Variants in TRPC1 observed in about 807,000 individuals in gnomAD.
The protein encoded by TRPC1 is transient receptor potential cation channel subfamily C member 1, also known as short transient receptor potential channel 1.
TRPC1 carries 42 observed loss-of-function variants against 88.2 expected under a neutral mutation model. The ratio of observed to expected loss-of-function variants is 0.48; its 90% CI spans 0.37 to 0.62. The LOEUF is 0.62. Ranked by LOEUF, TRPC1 falls within the 20% of genes least tolerant of loss-of-function variation. The pLI, the probability that TRPC1 is intolerant of heterozygous loss-of-function variation, is 0.00. For missense variants in TRPC1, 699 were observed against 957.3 expected (o/e 0.73, Z 3.56); for synonymous variants, 288 against 331.8 (o/e 0.87, Z 1.43).
At chr3:142,773,826 C>A (rs923111145) in intron 4 of TRPC1, among the ~76,000 whole-genome samples, 2 of 148,944 alleles carry the variant, frequency 1.3e-5, no homozygotes, top group Admixed American at 1.4e-4. Flanking sequence ...AGTGGTAAAC[C>A]TCTAATGTTG....
At chr3:142,763,769 T>C (rs1935271764) in intron 4 of TRPC1, among the ~76,000 whole-genome samples, 1 of 151,628 alleles carries the variant, frequency 6.6e-6, no homozygotes, top group Non-Finnish European at 1.5e-5. Flanking sequence ...TTGTTTCTTA[T>C]TGTCTTCCTT....
intron 2 of TRPC1, among the ~76,000 whole-genome samples, chr3:142,740,203 G>T (rs548535344): frequency 2.6e-5 from 4 of 152,320 alleles, no homozygotes; most frequent in Non-Finnish European, 5.9e-5. Flanking sequence ...AAATCTTAGT[G>T]AATATTTTGA....
intron 9 of TRPC1, among the ~76,000 whole-genome samples, chr3:142,795,836 ATT>A (rs1175739248): frequency 6.6e-6 from 1 of 151,920 alleles, no homozygotes; most frequent in Non-Finnish European, 1.5e-5. Context: ...ATAGACAGGC[ATT>A]TTTTTGTTGT....
intron 1 of TRPC1, among the ~76,000 whole-genome samples, chr3:142,734,678 C>G (rs1577943369): frequency 6.6e-6 from 1 of 152,076 alleles, no homozygotes; most frequent in Non-Finnish European, 1.5e-5. Flanking sequence ...TGGCTCATGC[C>G]TATAATCCCA....
At chr3:142,773,482 A>G (rs1165704411) in intron 4 of TRPC1, among the ~76,000 whole-genome samples, 1 of 151,834 alleles carries the variant, frequency 6.6e-6, no homozygotes, top group Non-Finnish European at 1.5e-5. Flanking sequence ...TCAAATAGAG[A>G]ATATCCATAA....
chr3:142,801,106 A>C (rs547686414), intron 9 of TRPC1: 2 of 152,116 alleles, frequency 1.3e-5, no homozygotes, highest in Non-Finnish European at 2.9e-5. Flanking sequence ...CTACATATAC[A>C]TACTGTTTTA....
intron 5 of TRPC1, among the ~76,000 whole-genome samples, chr3:142,778,803 GTTC>G (rs1457272153): frequency 1.3e-5 from 2 of 152,104 alleles, no homozygotes; most frequent in Non-Finnish European, 2.9e-5. Context: ...TACTTAATGT[GTTC>G]TTCATAGACC....
At chr3:142,747,174 C>T (rs1256928573) in intron 3 of TRPC1, among the ~76,000 whole-genome samples, 2 of 151,794 alleles carry the variant, frequency 1.3e-5, no homozygotes, top group African/African-American at 2.4e-5. Context: ...CTGTTTATGC[C>T]AAAGATGTCC....
chr3:142,795,599 A>T (rs1368246824), intron 9 of TRPC1, among the ~76,000 whole-genome samples: 1 of 152,082 alleles, frequency 6.6e-6, no homozygotes, highest in Non-Finnish European at 1.5e-5. Context: ...ACAACTGTCA[A>T]CCTGGAGTTC....
At chr3:142,799,513 TA>T (rs1936549825) in intron 9 of TRPC1, among the ~76,000 whole-genome samples, 2 of 152,066 alleles carry the variant, frequency 1.3e-5, no homozygotes, top group African/African-American at 2.4e-5. Flanking sequence ...ACCATGCTAT[TA>T]AACAAGTCAG....
intron 1 of TRPC1, among the ~76,000 whole-genome samples, chr3:142,735,454 AAC>A (rs900079435): frequency 1.3e-5 from 2 of 152,168 alleles, no homozygotes; most frequent in Admixed American, 6.5e-5. Context: ...TCTATTGTTT[AAC>A]AAGTCAAATG....
chr3:142,750,110 G>A (rs945991955), intron 4 of TRPC1, among the ~76,000 whole-genome samples: 1 of 151,990 alleles, frequency 6.6e-6, no homozygotes, highest in African/African-American at 2.4e-5. Context: ...CACAGCAAAA[G>A]AAACTATCAT....
At chr3:142,803,726 C>T (rs1439484873) in intron 10 of TRPC1, among the ~76,000 whole-genome samples, 3 of 152,172 alleles carry the variant, frequency 2.0e-5, no homozygotes, top group Non-Finnish European at 4.4e-5. Context: ...ATCATATAGG[C>T]TGCCTTGTTG....
chr3:142,758,267 TC>T (rs1375629552), intron 4 of TRPC1, among the ~76,000 whole-genome samples: 2 of 152,190 alleles, frequency 1.3e-5, no homozygotes, highest in African/African-American at 4.8e-5. Flanking sequence ...GTGTGAGAGT[TC>T]CCCTTTGTCC....
intron 5 of TRPC1, among the ~76,000 whole-genome samples, chr3:142,778,356 T>G (rs531943310): frequency 1.3e-5 from 2 of 152,176 alleles, no homozygotes; most frequent in African/African-American, 2.4e-5. Context: ...AGATTAAATG[T>G]AATTTTGGCA....
chr3:142,746,059 AG>A (rs1329890549), intron 3 of TRPC1, among the ~76,000 whole-genome samples: 1 of 152,186 alleles, frequency 6.6e-6, no homozygotes. Context: ...ATATCTTGAT[AG>A]CCCTTTTACT....
intron 7 of TRPC1, among the ~76,000 whole-genome samples, chr3:142,787,865 T>G (rs1006510325): frequency 2.6e-5 from 4 of 152,030 alleles, no homozygotes; most frequent in African/African-American, 9.7e-5. Flanking sequence ...TGAGCTAAGA[T>G]CTAAAAGATA....
chr3:142,726,913 C>T (rs186816543), intron 1 of TRPC1, among the ~76,000 whole-genome samples: 8 of 152,168 alleles, frequency 5.3e-5, no homozygotes, highest in Non-Finnish European at 7.4e-5. Flanking sequence ...TGAGCCAGAT[C>T]TGTTGTTGTC....
At chr3:142,725,978 T>C (rs895949109) in intron 1 of TRPC1, among the ~76,000 whole-genome samples, 2 of 152,176 alleles carry the variant, frequency 1.3e-5, no homozygotes, top group Admixed American at 1.3e-4. Flanking sequence ...TTAATAATAT[T>C]GTTAAAGTAC....
Sources: gnomAD v4.1 joint callset for allele counts (sites outside exome capture counted in the v4.1 genomes callset) on GRCh38, gnomAD v4.1.1 for gene constraint, MANE v1.5 for transcripts, NCBI Gene and HGNC (gene_info 2026-07-23, HGNC 2026-07-21) for gene names.